ROCK1: variants seen among roughly 807,000 people sequenced by gnomAD.
ROCK1 encodes the protein rho-associated protein kinase 1.
In ROCK1, 36 loss-of-function variants were observed where a neutral mutation model predicts 196.8. The observed-to-expected ratio is 0.18, with a 90% CI of 0.14 to 0.24. The LOEUF is 0.24. Among genes scored for constraint, ROCK1 ranks in the 10% least tolerant of loss-of-function variants. The pLI is 1.00. For synonymous variants in ROCK1, 443 were observed against 515.9 expected (o/e 0.86, Z 1.91); for missense variants, 920 against 1,562.0 (o/e 0.59, Z 6.93).
chr18:21,041,759 ACT>A (rs1256236211), intron 8 of ROCK1, among the ~76,000 whole-genome samples: 3 of 152,224 alleles, frequency 2.0e-5, no homozygotes, highest in African/African-American at 7.2e-5. Flanking sequence ...TGTGAGATGT[ACT>A]CTAATTTCAG....
At chr18:21,096,353 A>G (rs1325459345) in intron 1 of ROCK1, among the ~76,000 whole-genome samples, 2 of 152,092 alleles carry the variant, frequency 1.3e-5, no homozygotes, top group African/African-American at 4.8e-5. Flanking sequence ...GGCGCCTGCC[A>G]CTATGCCCAG....
chr18:21,046,963 C>G (rs1462056381), intron 4 of ROCK1, among the ~76,000 whole-genome samples: 1 of 152,128 alleles, frequency 6.6e-6, no homozygotes, highest in African/African-American at 2.4e-5. Context: ...GGGGCCACCA[C>G]ACCCGGCCCA....
intron 8 of ROCK1, among the ~76,000 whole-genome samples, chr18:21,039,828 T>TG (rs2036089649): frequency 6.6e-6 from 1 of 151,830 alleles, no homozygotes; most frequent in Non-Finnish European, 1.5e-5. Context: ...GAGGCTCAGG[T>TG]GGGGTGGATC....
chr18:21,073,196 T>C (rs1256575794), intron 1 of ROCK1, among the ~76,000 whole-genome samples: 2 of 151,508 alleles, frequency 1.3e-5, no homozygotes, highest in African/African-American at 4.9e-5. Flanking sequence ...ACAAGGGTAG[T>C]AGACCAGTTG....
In ROCK1 at chr18:21,041,179, C is replaced by T. The variant is rs1208004472; in HGVS notation, c.959+918G>A. ...GGCATGGGTGGCTCAGGCCTGTAAT[C>T]CCAGCACTTTGGGAAGCTGAAGTGG... is the stretch of plus-strand genomic sequence containing the variant. On this transcript the variant is annotated intron_variant, in intron 8 of 32. Coordinates refer to ENST00000399799, the MANE Select transcript of ROCK1 (RefSeq NM_005406.3). 3.7e-4 allele frequency among the ~76,000 whole-genome samples: 56 copies of T among 150,882 alleles called. 2 individuals carry two copies. Among genetic ancestry groups the T allele is most frequent in the Admixed American group, 3.7e-3 (56 of 15,162 alleles).
At chr18:21,097,696 G>A (rs143327536) in intron 1 of ROCK1, among the ~76,000 whole-genome samples, 468 of 152,300 alleles carry the variant, frequency 3.1e-3, no homozygotes, top group Non-Finnish European at 5.2e-3. Context: ...TAATGATGAC[G>A]ATGATTACAA....
intron 4 of ROCK1, among the ~76,000 whole-genome samples, chr18:21,046,268 A>T (rs1219816004): frequency 6.6e-6 from 1 of 152,132 alleles, no homozygotes; most frequent in East Asian, 1.9e-4. Flanking sequence ...CGAGTCTATG[A>T]GACTATAATC....
intron 16 of ROCK1, among the ~76,000 whole-genome samples, chr18:20,999,840 G>C (rs1355438169): frequency 6.6e-6 from 1 of 151,966 alleles, no homozygotes; most frequent in Non-Finnish European, 1.5e-5. Context: ...TGCTCGGGGG[G>C]GTCTCAAACT....
At chr18:21,004,747 T>G (rs964567774) in intron 16 of ROCK1, among the ~76,000 whole-genome samples, 2 of 152,180 alleles carry the variant, frequency 1.3e-5, no homozygotes, top group African/African-American at 4.8e-5. Flanking sequence ...TGAAGAGACT[T>G]TCAAACAGCT....
At chr18:20,996,723 A>G (rs921905472) in intron 16 of ROCK1, among the ~76,000 whole-genome samples, 2 of 152,338 alleles carry the variant, frequency 1.3e-5, no homozygotes, top group East Asian at 1.9e-4. Flanking sequence ...ATCAAAAATA[A>G]CAACTATAAT....
At position 21,015,583 on chromosome 18, in the gene ROCK1, C is replaced by G. The variant is rs866754156; in HGVS notation, c.1362-104G>C. On this transcript the variant is annotated intron_variant, in intron 12 of 32. Coordinates refer to ENST00000399799, the MANE Select transcript of ROCK1 (RefSeq NM_005406.3). ...TTTCCACTTAACTAGAGTTTTGTAT[C>G]CTTTCTTGGTGCCATGGATCTCTTT... The G allele has an allele frequency of 8.1e-6, 6 of 745,036 alleles. 1 individual carries two copies. The Middle Eastern group carries it at 1.4e-3, about 175-fold the overall frequency. 46.2% of individuals were successfully genotyped at this position (745,036 alleles called of 1,614,324 possible).
At chr18:20,954,752 A>G (rs757727076) in intron 31 of ROCK1, 31 bp downstream of exon 31, 17 of 1,549,020 alleles carry the variant, frequency 1.1e-5, no homozygotes, top group African/African-American at 4.1e-5. Flanking sequence ...TAAATTTGTT[A>G]TAAGTTGTAA....
chr18:21,085,356 A>AAAAAAAAAAAAC, intron 1 of ROCK1, among the ~76,000 whole-genome samples: 1 of 151,128 alleles, frequency 6.6e-6, no homozygotes, highest in African/African-American at 2.4e-5. Flanking sequence ...AAAAAAAAAA[A>AAAAAAAAAAAAC]AGGCAAATTT....
chr18:20,959,013 A>AAT (rs1491372833), intron 29 of ROCK1, among the ~76,000 whole-genome samples: 1 of 73,610 alleles, frequency 1.4e-5, no homozygotes, highest in South Asian at 2.9e-4. Context: ...TATTTTATAT[A>AAT]ATATATATAA....
chr18:21,012,038 T>C (rs1195879645), intron 13 of ROCK1, among the ~76,000 whole-genome samples: 2 of 152,106 alleles, frequency 1.3e-5, no homozygotes, highest in African/African-American at 4.8e-5. Flanking sequence ...ACCTCCCAGG[T>C]TCAAGCAGTT....
intron 2 of ROCK1, among the ~76,000 whole-genome samples, chr18:21,058,881 G>A (rs2036266049): frequency 6.6e-6 from 1 of 152,066 alleles, no homozygotes; most frequent in Non-Finnish European, 1.5e-5. Context: ...AACCAGCACT[G>A]TTTTAATTAA....
At chr18:21,005,135 T>C (rs1319559153) in intron 16 of ROCK1, among the ~76,000 whole-genome samples, 4 of 152,164 alleles carry the variant, frequency 2.6e-5, no homozygotes, top group Admixed American at 6.5e-5. Flanking sequence ...CTAACAGGAA[T>C]AGAAAATAGA....
At position 21,092,097 on chromosome 18, in the gene ROCK1, T is replaced by C. The variant is rs2036575703; in HGVS notation, c.93+18721A>G. On this transcript the variant is annotated intron_variant, in intron 1 of 32. Transcript: ENST00000399799. ...CACCATGCTGTTCAGGGACCAATTG[T>C]AAAACTATTATTTTATAGCCTCTTC... Among the ~76,000 whole-genome samples the C allele has an allele frequency of 2.0e-5, 3 of 152,220 alleles. No homozygotes were observed. In the South Asian group the frequency reaches 6.2e-4, roughly 32 times the overall value.
intron 29 of ROCK1, among the ~76,000 whole-genome samples, chr18:20,958,991 AAAT>A (rs1333158174): frequency 2.3e-4 from 20 of 85,734 alleles, no homozygotes; most frequent in Admixed American, 1.0e-3. Context: ...ATTTTATAAA[AAAT>A]AATATATATA....
Sources: gnomAD v4.1 joint callset for allele counts (sites outside exome capture counted in the v4.1 genomes callset) on GRCh38, gnomAD v4.1.1 for gene constraint, MANE v1.5 for transcripts, NCBI Gene and HGNC (gene_info 2026-07-23, HGNC 2026-07-21) for gene names.